The following LMNTD1 variants were observed in gnomAD, a reference collection of about 807,000 sequenced individuals.
LMNTD1 encodes lamin tail domain-containing protein 1.
Under a neutral mutation model 50.9 loss-of-function variants are expected in LMNTD1, and 35 were observed. The ratio of observed to expected loss-of-function variants is 0.69; its 90% CI spans 0.53 to 0.91. The LOEUF (loss-of-function observed/expected upper bound fraction) is 0.91. Among genes scored for constraint, LMNTD1 ranks in the 40% least tolerant of loss-of-function variants. The pLI is 0.00. For synonymous variants in LMNTD1, 153 were observed against 161.9 expected (o/e 0.94, Z 0.42); for missense variants, 470 against 475.5 (o/e 0.99, Z 0.11).
intron 1 of LMNTD1, among the ~76,000 whole-genome samples, chr12:25,561,439 T>C (rs992150042): frequency 1.3e-5 from 2 of 152,242 alleles, no homozygotes; most frequent in East Asian, 1.9e-4. Context: ...AGTTTCCATG[T>C]AGTTGAGCAG....
chr12:25,616,121 G>C (rs1370377952), intron 1 of LMNTD1, among the ~76,000 whole-genome samples: 2 of 148,606 alleles, frequency 1.3e-5, no homozygotes, highest in Non-Finnish European at 3.0e-5. Context: ...CACACACACA[G>C]TGTGAGATAG....
At chr12:25,579,264 T>G (rs1233019865) in intron 1 of LMNTD1, among the ~76,000 whole-genome samples, 2 of 152,204 alleles carry the variant, frequency 1.3e-5, no homozygotes, top group African/African-American at 2.4e-5. Flanking sequence ...GTACTGAACA[T>G]GTACAGACTT....
In LMNTD1 at chr12:25,552,907, A is replaced by G. The variant is rs1212592315; in HGVS notation, c.53T>C (p.Val18Ala). The G allele has an allele frequency of 1.3e-6, 2 of 1,553,196 alleles. No individual in the cohort carries two copies. The highest frequency in any genetic ancestry group is 1.7e-6 in the Non-Finnish European group (2 of 1,147,350). ...QEASKAMQNK[V>A]HEQEDKNEKQ... is the part of the protein sequence containing the mutation. ...CTCATTCTTATCTTCCTGCTCATGG[A>G]CTTTATTCTGCATTGCCTTCGAAGC... Residue 18 changes from valine to alanine, a missense_variant, in exon 2 of 10, where the codon GTC (valine) becomes GCC (alanine). Coordinates refer to ENST00000458174, the MANE Select transcript of LMNTD1 (RefSeq NM_001145728.2).
upstream of LMNTD1, among the ~76,000 whole-genome samples, chr12:25,557,747 G>A (rs577476060): frequency 3.9e-5 from 6 of 152,258 alleles, no homozygotes; most frequent in African/African-American, 1.4e-4. Flanking sequence ...ACCAGCCCAT[G>A]TGTCTTGAAA....
Position 25,637,644 on chromosome 12 carries a change from C to T in LMNTD1, c.58+10850G>A, listed in dbSNP as rs979201618. 4.0e-5 allele frequency among the ~76,000 whole-genome samples: 6 copies of T among 149,470 alleles called. 1 individual carries two copies. Among genetic ancestry groups the T allele is most frequent in the Admixed American group, 2.0e-4 (3 of 15,158 alleles). ...CATTAAGCACACCAACTTCATTAAG[C>T]ACACCAACTTCATTAAGAAGTCATA... On this transcript the variant is annotated intron_variant, in intron 1 of 7. Transcript: ENST00000445693.
chr12:25,564,552 C>T (rs549698328), intron 1 of LMNTD1, among the ~76,000 whole-genome samples: 11 of 152,212 alleles, frequency 7.2e-5, no homozygotes, highest in South Asian at 4.1e-4. Flanking sequence ...CCACCATGCC[C>T]GGCTTGATTT....
At chr12:25,523,235 T>C (rs879884111) in intron 6 of LMNTD1, among the ~76,000 whole-genome samples, 2 of 152,154 alleles carry the variant, frequency 1.3e-5, no homozygotes, top group Non-Finnish European at 2.9e-5. Flanking sequence ...GGTTTCACCA[T>C]GTTGGCCAGG....
intron 4 of LMNTD1, among the ~76,000 whole-genome samples, chr12:25,537,060 C>A (rs904307349): frequency 6.6e-6 from 1 of 152,188 alleles, no homozygotes; most frequent in Non-Finnish European, 1.5e-5. Context: ...TATCCCACAC[C>A]TGGCTCGGAG....
chr12:25,515,452 T>C (rs1940684713), intron 8 of LMNTD1, among the ~76,000 whole-genome samples: 1 of 151,986 alleles, frequency 6.6e-6, no homozygotes, highest in Non-Finnish European at 1.5e-5. Context: ...TTTAAATATA[T>C]ATATATGGAT....
intron 4 of LMNTD1, 104 bp from the exon 5 acceptor site, chr12:25,527,059 G>A (rs1416050050): frequency 2.6e-6 from 2 of 759,426 alleles, no homozygotes; most frequent in South Asian, 2.2e-5. Flanking sequence ...TTCTTAAACT[G>A]TATATTCTAT....
At chr12:25,565,843 T>C (rs1944535705) in intron 1 of LMNTD1, among the ~76,000 whole-genome samples, 1 of 152,228 alleles carries the variant, frequency 6.6e-6, no homozygotes, top group Non-Finnish European at 1.5e-5. Context: ...GTTCGAAGAA[T>C]ATTTTTGCTG....
intron 1 of LMNTD1, among the ~76,000 whole-genome samples, chr12:25,575,204 C>T (rs11048118): frequency 0.078 from 11,934 of 152,048 alleles, 845 homozygotes; most frequent in East Asian, 0.33. Context: ...GCTGGGACAC[C>T]CCACACCCCA....
chr12:25,501,830 A>G (rs997762000), intron 9 of LMNTD1, among the ~76,000 whole-genome samples: 2 of 151,392 alleles, frequency 1.3e-5, no homozygotes, highest in African/African-American at 2.4e-5. Flanking sequence ...CCGACTCAGG[A>G]GCTGATAGCA....
intron 8 of LMNTD1, among the ~76,000 whole-genome samples, chr12:25,506,808 T>C (rs552903003): frequency 1.9e-4 from 29 of 152,076 alleles, no homozygotes; most frequent in African/African-American, 7.0e-4. Flanking sequence ...TGTTAATGAA[T>C]AATATAACCA....
chr12:25,532,778 T>A (rs143992107), intron 4 of LMNTD1, among the ~76,000 whole-genome samples: 214 of 152,308 alleles, frequency 1.4e-3, no homozygotes, highest in African/African-American at 5.0e-3. Flanking sequence ...AAATTTTGGA[T>A]GTAGCATTTT....
At chr12:25,598,425 G>C (rs1945887018) in intron 1 of LMNTD1, among the ~76,000 whole-genome samples, 1 of 151,634 alleles carries the variant, frequency 6.6e-6, no homozygotes, top group South Asian at 2.1e-4. Flanking sequence ...CAAATAACTA[G>C]TCCAATGATG....
intron 1 of LMNTD1, chr12:25,592,442 C>A (rs1210238026): frequency 6.6e-6 from 1 of 152,266 alleles, no homozygotes. Context: ...CCCTGGAACA[C>A]CCCCACTAGG....
At chr12:25,646,547 G>T (rs879821232) in intron 1 of LMNTD1, among the ~76,000 whole-genome samples, 1 of 152,088 alleles carries the variant, frequency 6.6e-6, no homozygotes, top group Non-Finnish European at 1.5e-5. Context: ...TGGGTCAAGA[G>T]GGGTGATGTC....
rs568755529 is a variant in LMNTD1 at position 25,630,321 on chromosome 12, G to A, written c.58+18173C>T. ...GAGGATCATGGTGGACAGGAGGCAG[G>A]ACTAGATTGCAGCTCTGACTCGGAC... On this transcript the variant is annotated intron_variant, in intron 1 of 7. Coordinates refer to the LMNTD1 transcript ENST00000445693. Among the ~76,000 whole-genome samples the A allele has an allele frequency of 3.3e-5, 5 of 152,230 alleles. No homozygotes were observed. In the South Asian group the frequency reaches 8.3e-4, roughly 25 times the overall value.
Sources: allele counts gnomAD v4.1 joint callset (sites outside exome capture counted in the v4.1 genomes callset), GRCh38; gene constraint gnomAD v4.1.1; transcripts MANE v1.5; gene names NCBI Gene and HGNC (gene_info 2026-07-23, HGNC 2026-07-21).